GULP1: variants seen among roughly 807,000 people sequenced by gnomAD.
GULP1 encodes GULP PTB domain containing engulfment adaptor 1.
Under a neutral mutation model 40.9 loss-of-function variants are expected in GULP1, and 19 were observed. The observed-to-expected ratio is 0.46, with a 90% CI of 0.32 to 0.68. The LOEUF (loss-of-function observed/expected upper bound fraction) is 0.68, where lower values mean the gene tolerates loss of function less well. GULP1 is among the 30% of genes least tolerant of loss of function. The pLI, the probability that GULP1 is intolerant of heterozygous loss-of-function variation, is 0.03. For synonymous variants in GULP1, 119 were observed against 117.6 expected, an observed-to-expected ratio of 1.01 and a Z score of -0.08; for missense variants, 312 against 362.2, an observed-to-expected ratio of 0.86 and a Z score of 1.12.
intron 2 of GULP1, among the ~76,000 whole-genome samples, chr2:188,400,969 G>GTGTGTGTA (rs1575017241): frequency 6.6e-6 from 1 of 150,440 alleles, no homozygotes; most frequent in East Asian, 2.0e-4. Flanking sequence ...GTGTGTGTAA[G>GTGTGTGTA]AGAGGGAGAG....
At chr2:188,414,537 G>A (rs944465491) in intron 2 of GULP1, among the ~76,000 whole-genome samples, 1 of 152,138 alleles carries the variant, frequency 6.6e-6, no homozygotes, top group Non-Finnish European at 1.5e-5. Context: ...AGTTTAGCAA[G>A]AATTGAGTAA....
chr2:188,517,185 G>A (rs574682007), intron 4 of GULP1, among the ~76,000 whole-genome samples: 2 of 152,100 alleles, frequency 1.3e-5, no homozygotes, highest in Non-Finnish European at 2.9e-5. Context: ...TATATGCATT[G>A]TGGAATGGTT....
intron 1 of GULP1, among the ~76,000 whole-genome samples, chr2:188,378,624 G>A (rs2048611305): frequency 6.6e-6 from 1 of 152,110 alleles, no homozygotes; most frequent in Admixed American, 6.6e-5. Context: ...CATGAGCAGA[G>A]ATGGTATGGC....
intron 1 of GULP1, among the ~76,000 whole-genome samples, chr2:188,338,974 G>C (rs2042636281): frequency 6.6e-6 from 1 of 151,930 alleles, no homozygotes; most frequent in African/African-American, 2.4e-5. Flanking sequence ...CTTTTTTATT[G>C]ACATGTTGGG....
intron 6 of GULP1, among the ~76,000 whole-genome samples, chr2:188,531,204 A>G (rs1687451169): frequency 1.3e-5 from 2 of 152,240 alleles, no homozygotes. Context: ...CAATTAAAGA[A>G]GAAACCTAGT....
intron 1 of GULP1, among the ~76,000 whole-genome samples, chr2:188,355,558 T>C (rs1038969293): frequency 3.3e-5 from 5 of 152,002 alleles, no homozygotes; most frequent in African/African-American, 1.2e-4. Flanking sequence ...AAGAAAATTC[T>C]AGGACCAGAT....
intron 2 of GULP1, among the ~76,000 whole-genome samples, chr2:188,413,229 A>G (rs1441695904): frequency 6.6e-6 from 1 of 152,190 alleles, no homozygotes; most frequent in African/African-American, 2.4e-5. Context: ...CACTGGGTCA[A>G]ATGGTGTTTC....
intron 1 of GULP1, among the ~76,000 whole-genome samples, chr2:188,341,477 TATC>T (rs1302672276): frequency 6.6e-6 from 1 of 151,744 alleles, no homozygotes; most frequent in Admixed American, 6.6e-5. Flanking sequence ...ATGGGACAGT[TATC>T]ATCATAAAGG....
intron 1 of GULP1, among the ~76,000 whole-genome samples, chr2:188,326,390 T>C (rs763575996): frequency 1.3e-5 from 2 of 152,144 alleles, no homozygotes; most frequent in African/African-American, 2.4e-5. Flanking sequence ...GATTTAAAAA[T>C]GAGGCTAAGA....
chr2:188,572,914 G>T (rs757025899), intron 9 of GULP1, among the ~76,000 whole-genome samples: 1 of 152,080 alleles, frequency 6.6e-6, no homozygotes, highest in East Asian at 1.9e-4. Flanking sequence ...TTAATTAGGA[G>T]AAATAAGTTC....
intron 7 of GULP1, among the ~76,000 whole-genome samples, chr2:188,562,224 C>T (rs765670813): frequency 4.9e-4 from 74 of 152,254 alleles, no homozygotes; most frequent in Non-Finnish European, 9.7e-4. Context: ...ACATGGTCTA[C>T]GAACAGCTCC....
At chr2:188,302,441 G>A (rs902206375) in intron 1 of GULP1, among the ~76,000 whole-genome samples, 2 of 152,056 alleles carry the variant, frequency 1.3e-5, no homozygotes, top group African/African-American at 4.8e-5. Context: ...TATACATAAA[G>A]AAATATTGAA....
intron 8 of GULP1, 87 bp from the exon 9 acceptor site, chr2:188,569,941 G>A (rs961383152): frequency 5.8e-5 from 34 of 581,226 alleles, no homozygotes; most frequent in African/African-American, 9.9e-5. Flanking sequence ...AAAGTTTTAC[G>A]TAATATAAAT....
At chr2:188,574,567 T>G (rs897720731) in intron 9 of GULP1, among the ~76,000 whole-genome samples, 12 of 152,098 alleles carry the variant, frequency 7.9e-5, no homozygotes, top group African/African-American at 2.9e-4. Flanking sequence ...GAGGCTATGG[T>G]AAGCCTGGGA....
intron 1 of GULP1, among the ~76,000 whole-genome samples, chr2:188,352,618 T>TA (rs1553527071): frequency 7.4e-6 from 1 of 134,406 alleles, no homozygotes; most frequent in Non-Finnish European, 1.6e-5. Context: ...TCTCTCTCTC[T>TA]CACACACACA....
At chr2:188,364,535 A>G (rs1160804520) in intron 1 of GULP1, among the ~76,000 whole-genome samples, 1 of 152,106 alleles carries the variant, frequency 6.6e-6, no homozygotes, top group East Asian at 1.9e-4. Context: ...GCTATGGAGC[A>G]TTATCATTTT....
At chr2:188,465,460 A>G (rs1028348346) in intron 2 of GULP1, among the ~76,000 whole-genome samples, 3 of 151,872 alleles carry the variant, frequency 2.0e-5, no homozygotes, top group Non-Finnish European at 2.9e-5. Flanking sequence ...GCCACAAACT[A>G]TGCAGCCTGA....
chr2:188,320,359 A>T (rs924887555), intron 1 of GULP1, among the ~76,000 whole-genome samples: 1 of 152,172 alleles, frequency 6.6e-6, no homozygotes, highest in Non-Finnish European at 1.5e-5. Flanking sequence ...TTATGTGTAC[A>T]ATTGACTTTA....
chr2:188,400,716 AATG>A (rs2052121069), intron 2 of GULP1, among the ~76,000 whole-genome samples: 3 of 152,202 alleles, frequency 2.0e-5, no homozygotes, highest in South Asian at 2.1e-4. Context: ...TTAGGTTTGA[AATG>A]ATGATGACTT....
Sources: gnomAD v4.1 joint callset for allele counts (sites outside exome capture counted in the v4.1 genomes callset) on GRCh38, gnomAD v4.1.1 for gene constraint, MANE v1.5 for transcripts, NCBI Gene and HGNC (gene_info 2026-07-23, HGNC 2026-07-21) for gene names.